The following OARD1 variants were observed in gnomAD, a reference collection of about 807,000 sequenced individuals.
OARD1 encodes ADP-ribose glycohydrolase OARD1.
Under a neutral mutation model 19.7 loss-of-function variants are expected in OARD1, and 19 were observed. The observed-to-expected ratio is 0.96, with a 90% CI of 0.67 to 1.41. The LOEUF (loss-of-function observed/expected upper bound fraction) is 1.41, where lower values mean the gene tolerates loss of function less well. OARD1 is among the 40% of genes most tolerant of loss of function. The pLI, the probability that OARD1 is intolerant of heterozygous loss-of-function variation, is 0.00. For missense variants in OARD1, 190 were observed against 183.8 expected, an observed-to-expected ratio of 1.03 and a Z score of -0.20; for synonymous variants, 70 against 61.8, an observed-to-expected ratio of 1.13 and a Z score of -0.62.
At chr6:41,074,115 T>C (rs775723345), upstream of OARD1, among the ~76,000 whole-genome samples, 60 of 152,230 alleles carry the variant, frequency 3.9e-4, no homozygotes, top group Non-Finnish European at 6.8e-4. Flanking sequence ...GGGTTTTTTT[T>C]CCCTTTGTTT....
chr6:41,092,825 A>C, intron 1 of OARD1: 2 of 1,363,374 alleles, frequency 1.5e-6, no homozygotes, highest in Non-Finnish European at 2.0e-6. Flanking sequence ...TGGCATTTAC[A>C]AAAAAAATGG....
intron 5 of OARD1, among the ~76,000 whole-genome samples, chr6:41,068,332 C>A (rs1392324173): frequency 2.6e-5 from 4 of 152,186 alleles, no homozygotes; most frequent in Admixed American, 2.6e-4. Context: ...TAGCTAAAGT[C>A]TAAGAAGTTA....
At chr6:41,084,237 T>C (rs1199632694) in intron 1 of OARD1, 4 of 1,589,024 alleles carry the variant, frequency 2.5e-6, no homozygotes, top group Non-Finnish European at 3.4e-6. Context: ...AGAGGAGAGG[T>C]TTCAAAGAAT....
chr6:41,065,829 G>A lies in OARD1; in HGVS notation c.*1506C>T, dbSNP rs1762984945. On this transcript the variant is annotated 3_prime_UTR_variant, in exon 6 of 6. Coordinates refer to ENST00000424266, the MANE Select transcript of OARD1 (RefSeq NM_001329686.2). ...TTGTTCTTTTATACTTGGGAAAGCA[G>A]CAAGTCCTGTGACAGACCCAAAGTC... The A allele has an allele frequency of 6.6e-6, 1 of 152,212 alleles. No individual in the cohort carries two copies. The highest frequency in any genetic ancestry group is 6.5e-5 in the Admixed American group (1 of 15,284). 9.4% of individuals were successfully genotyped at this position (152,212 alleles called of 1,614,324 possible).
At chr6:41,097,705 G>A (rs1764400086) in intron 1 of OARD1, 1 of 291,212 alleles carries the variant, frequency 3.4e-6, no homozygotes. Context: ...AGTACACAAA[G>A]CACTTACCTT....
Position 41,067,294 on chromosome 6 carries a change from T to C in OARD1, c.*41A>G. On this transcript the variant is annotated 3_prime_UTR_variant, in exon 6 of 6. Coordinates refer to ENST00000424266, the MANE Select transcript of OARD1 (RefSeq NM_001329686.2). ...GCCCGGTCCTATGGCCCAGTAGAGA[T>C]GACACAGGAGAACACGGAAACATCC... 3.0e-6 allele frequency: 4 copies of C among 1,338,476 alleles called. No individual in the cohort carries two copies. The highest frequency in any genetic ancestry group is 4.3e-6 in the Non-Finnish European group (4 of 932,990). The allele number at this position is 1,338,476 out of a possible 1,614,324, so 82.9% of individuals were successfully genotyped here. A position where few individuals can be genotyped will look rare whatever the true frequency, so the allele number is the denominator to read the frequency against.
Position 41,071,630 on chromosome 6 carries a change from G to A in OARD1, c.5C>T (p.Ala2Val), listed in dbSNP as rs114941369. ...TTCTGGATCTTCATTAAGGCTGCTG[G>A]CCATGATACTGAGTCGCTATTTCCA... is the stretch of plus-strand genomic sequence containing the variant. Reference protein sequence around the residue: MASSLNEDPEGS... With the variant: MVSSLNEDPEGS... Residue 2 changes from alanine (A) to valine (V), a missense_variant, in exon 2 of 6, where the codon GCC (alanine) becomes GTC (valine). Coordinates refer to ENST00000424266, the MANE Select transcript of OARD1 (RefSeq NM_001329686.2). The A allele has an allele frequency of 6.2e-7, 1 of 1,613,042 alleles. No homozygotes were observed. The highest frequency in any genetic ancestry group is 8.5e-7 in the Non-Finnish European group (1 of 1,178,980).
rs1762964623 is a variant in OARD1 at position 41,065,377 on chromosome 6, CT to C, written c.*1957del. 6.6e-6 allele frequency: 1 copy of C among 152,198 alleles called. No homozygotes were observed. Among genetic ancestry groups the C allele is most frequent in the Non-Finnish European group, 1.5e-5 (1 of 68,030 alleles). The allele number at this position is 152,198 out of a possible 1,614,324, so 9.4% of individuals were successfully genotyped here. A position where few individuals can be genotyped will look rare whatever the true frequency, so the allele number is the denominator to read the frequency against. On this transcript the variant is annotated 3_prime_UTR_variant, in exon 6 of 6. Transcript: ENST00000424266. ...AAAAGCCATACACATTCAGTACACC[CT>C]TCAACTGAACTCAACTTAAGATGGG...
chr6:41,090,413 T>G (rs1764168663), intron 1 of OARD1: 2 of 609,384 alleles, frequency 3.3e-6, no homozygotes, highest in Non-Finnish European at 5.9e-6. Flanking sequence ...ACACTACATA[T>G]TTTTTGGACA....
chr6:41,096,271 A>C (rs193087940), intron 1 of OARD1, among the ~76,000 whole-genome samples: 2 of 152,306 alleles, frequency 1.3e-5, no homozygotes, highest in East Asian at 3.9e-4. Flanking sequence ...CAACTCTTTC[A>C]GTGCTATTAA....
At chr6:41,078,951 TA>T (rs1486416984) in intron 1 of OARD1, 2 of 629,594 alleles carry the variant, frequency 3.2e-6, no homozygotes, top group African/African-American at 3.6e-5. Flanking sequence ...AGTACAGTGA[TA>T]AATTATCCAG....
chr6:41,069,046 A>C, intron 4 of OARD1, 93 bp from the exon 5 acceptor site: 3 of 646,442 alleles, frequency 4.6e-6, no homozygotes, highest in Non-Finnish European at 5.3e-6. Context: ...TTAAAAGAGT[A>C]AGCACATTTT....
At chr6:41,078,909 C>G in intron 1 of OARD1, 1 of 532,850 alleles carries the variant, frequency 1.9e-6, no homozygotes. Context: ...ATAAGCATTT[C>G]CTATTCTCCT....
chr6:41,068,755 T>A (rs1763159043), intron 5 of OARD1, 86 bp downstream of exon 5: 6 of 776,944 alleles, frequency 7.7e-6, no homozygotes, highest in Non-Finnish European at 1.2e-5. Flanking sequence ...TATTTTGGGT[T>A]AAGCTTTTAA....
chr6:41,082,489 A>G (rs549750596), intron 1 of OARD1, among the ~76,000 whole-genome samples: 1 of 152,348 alleles, frequency 6.6e-6, no homozygotes, highest in South Asian at 2.1e-4. Flanking sequence ...GGAGTCTCAA[A>G]TCATTTATCA....
intron 1 of OARD1, among the ~76,000 whole-genome samples, chr6:41,082,647 C>G (rs1254165748): frequency 2.0e-5 from 3 of 152,088 alleles, no homozygotes; most frequent in African/African-American, 7.2e-5. Context: ...ATAATAGAAA[C>G]CTTTCCTCTA....
upstream of OARD1, among the ~76,000 whole-genome samples, chr6:41,074,032 G>T (rs1763650583): frequency 6.6e-6 from 1 of 151,920 alleles, no homozygotes; most frequent in Non-Finnish European, 1.5e-5. Context: ...ACAACTTGCT[G>T]TTCATATTAC....
intron 1 of OARD1, among the ~76,000 whole-genome samples, chr6:41,096,840 T>G (rs1764370739): frequency 6.6e-6 from 1 of 152,248 alleles, no homozygotes; most frequent in Non-Finnish European, 1.5e-5. Context: ...GACTCCTAAC[T>G]TTCTGACCCT....
chr6:41,072,938 G>C (rs1336520571), upstream of OARD1: 1 of 153,850 alleles, frequency 6.5e-6, no homozygotes, highest in Admixed American at 6.5e-5. Context: ...CGGTTGGAGG[G>C]AGGCCCGATT....
Sources: gnomAD v4.1 joint callset for allele counts (sites outside exome capture counted in the v4.1 genomes callset) on GRCh38, gnomAD v4.1.1 for gene constraint, MANE v1.5 for transcripts, NCBI Gene and HGNC (gene_info 2026-07-23, HGNC 2026-07-21) for gene names.